The following LYSMD4 variants were observed in gnomAD, a reference collection of about 807,000 sequenced individuals.
The protein encoded by LYSMD4 is lysM and putative peptidoglycan-binding domain-containing protein 4.
In LYSMD4, 9 loss-of-function variants were observed where a neutral mutation model predicts 6.1. The ratio of observed to expected loss-of-function variants is 1.47; its 90% CI spans 0.88 to 2.56. The LOEUF (loss-of-function observed/expected upper bound fraction) is 2.56, where lower values mean the gene tolerates loss of function less well. Ranked by LOEUF, LYSMD4 falls within the 30% of genes most tolerant of loss-of-function variation. The pLI is 0.00. For synonymous variants in LYSMD4, 143 were observed against 148.5 expected (o/e 0.96, Z 0.27); for missense variants, 384 against 373.5 (o/e 1.03, Z -0.23).
intron 1 of LYSMD4, among the ~76,000 whole-genome samples, chr15:99,732,665 C>T (rs933838185): frequency 1.3e-5 from 2 of 152,220 alleles, no homozygotes; most frequent in Admixed American, 6.5e-5. Flanking sequence ...CAGCCAAAGC[C>T]GCAAGACCCC....
chr15:99,722,035 G>A (rs913737429), upstream of LYSMD4, among the ~76,000 whole-genome samples: 62 of 152,132 alleles, frequency 4.1e-4, 1 homozygote, highest in Admixed American at 2.0e-4. Flanking sequence ...ATTCCCCCAA[G>A]TCTTTGGCTG....
chr15:99,719,529 C>T (rs554861542), upstream of LYSMD4, among the ~76,000 whole-genome samples: 7 of 152,302 alleles, frequency 4.6e-5, no homozygotes, highest in East Asian at 1.2e-3. Context: ...CACAAATAGG[C>T]AGCTTTGCTT....
chr15:99,719,445 T>C (rs2059221786), upstream of LYSMD4, among the ~76,000 whole-genome samples: 1 of 152,202 alleles, frequency 6.6e-6, no homozygotes, highest in Non-Finnish European at 1.5e-5. Flanking sequence ...AGCCTCTTCC[T>C]ATCCCCGCCT....
At chr15:99,719,117 T>A (rs1200336200), upstream of LYSMD4, among the ~76,000 whole-genome samples, 1 of 152,246 alleles carries the variant, frequency 6.6e-6, no homozygotes, top group African/African-American at 2.4e-5. Flanking sequence ...CCCATACCCG[T>A]GTAGGGAACA....
At chr15:99,726,910 G>A (rs1280504311), downstream of LYSMD4, among the ~76,000 whole-genome samples, 1 of 152,116 alleles carries the variant, frequency 6.6e-6, no homozygotes, top group Non-Finnish European at 1.5e-5. Context: ...CATCCCTAGA[G>A]CACTGGTCAC....
At chr15:99,725,729 C>G (rs983486377), downstream of LYSMD4, among the ~76,000 whole-genome samples, 2 of 152,158 alleles carry the variant, frequency 1.3e-5, no homozygotes, top group Non-Finnish European at 2.9e-5. Context: ...TCTCTGCTGT[C>G]CCCTCCTGAA....
downstream of LYSMD4, among the ~76,000 whole-genome samples, chr15:99,725,978 T>G (rs1169141155): frequency 1.3e-5 from 2 of 151,922 alleles, no homozygotes; most frequent in Non-Finnish European, 2.9e-5. Flanking sequence ...GAGGGTAAAG[T>G]GGGTGAGCAT....
rs1216043609 is a variant in LYSMD4, at chr15:99,729,183, T to G, written c.831A>C (p.Ala277=). 6.2e-7 allele frequency: 1 copy of G among 1,614,226 alleles called. No individual in the cohort carries two copies. The highest frequency in any genetic ancestry group is 8.5e-7 in the Non-Finnish European group (1 of 1,180,038). ...VPGQAPRLAV[A]VPAVTSADSQ... is the part of the protein sequence containing the mutation. ...TGTCTGCAGAAGTGACGGCTGGCAC[T>G]GCAACTGCTAGTCTGGGGGCTTGCC... The change falls in exon 3 of 3, where the codon GCA becomes GCC. Residue 277 remains alanine, a synonymous_variant. Coordinates refer to ENST00000684762, the MANE Select transcript of LYSMD4 (RefSeq NM_001284417.2).
At chr15:99,719,476 C>T (rs997157844), upstream of LYSMD4, among the ~76,000 whole-genome samples, 1 of 152,210 alleles carries the variant, frequency 6.6e-6, no homozygotes, top group Non-Finnish European at 1.5e-5. Flanking sequence ...CCCCTAGAGA[C>T]AACTAGTCTC....
In LYSMD4 at chr15:99,729,627, G is replaced by A. The variant is rs143013704; in HGVS notation, c.387C>T (p.Thr129=). 40 of 1,614,044 alleles carry A rather than the reference G, an allele frequency of 2.5e-5. No homozygotes were observed. The African/African-American group carries it at 2.9e-4, about 12-fold the overall frequency. The part of the protein sequence containing the change: ...PVRNHGILME[T]HKELKPLLSP... Reference sequence around the variant, plus strand: ...TCAGAAGGGGTTTCAGTTCTTTGTGGGTCTCCATCAGGATCCCATGGTTTC... The same window carrying A: ...TCAGAAGGGGTTTCAGTTCTTTGTGAGTCTCCATCAGGATCCCATGGTTTC... Residue 129 remains threonine (T), a synonymous_variant, in exon 3 of 3, where the codon ACC becomes ACT. Transcript: ENST00000684762.
intron 2 of LYSMD4, chr15:99,731,079 A>G (rs1290080670): frequency 3.4e-6 from 4 of 1,175,186 alleles, no homozygotes; most frequent in East Asian, 2.3e-5. Context: ...ACCCCTAGAG[A>G]AGGCCATACA....
downstream of LYSMD4, among the ~76,000 whole-genome samples, chr15:99,726,363 C>T (rs987556107): frequency 9.9e-5 from 15 of 152,004 alleles, no homozygotes; most frequent in East Asian, 9.7e-4. Flanking sequence ...AGGCTGGTCT[C>T]GAACTCCTAA....
downstream of LYSMD4, among the ~76,000 whole-genome samples, chr15:99,726,168 TCC>T (rs1555507908): frequency 6.8e-6 from 1 of 146,140 alleles, no homozygotes; most frequent in Non-Finnish European, 1.5e-5. Context: ...TTTTTTTTTT[TCC>T]CGCCTGAGTC....
chr15:99,722,985 C>A (rs2059248498), downstream of LYSMD4, among the ~76,000 whole-genome samples: 3 of 151,900 alleles, frequency 2.0e-5, no homozygotes, highest in Admixed American at 6.5e-5. Flanking sequence ...GAGCCAAGAT[C>A]ACGCCAGTAC....
upstream of LYSMD4, among the ~76,000 whole-genome samples, chr15:99,718,729 G>A (rs112208941): frequency 4.0e-3 from 612 of 152,266 alleles, 4 homozygotes; most frequent in African/African-American, 0.014. Flanking sequence ...GGCACCACAG[G>A]TGCTCCACAC....
chr15:99,733,347 C>G lies in LYSMD4; in HGVS notation c.-11G>C. 2 of 394,078 alleles carry G rather than the reference C, an allele frequency of 5.1e-6. No homozygotes were observed. The highest frequency in any genetic ancestry group is 9.0e-6 in the Non-Finnish European group (2 of 223,018). The allele number at this position is 394,078 out of a possible 1,614,324, so 24.4% of individuals were successfully genotyped here. A position where few individuals can be genotyped will look rare whatever the true frequency, so the allele number is the denominator to read the frequency against. On this transcript the variant is annotated splice_region_variant and 5_prime_UTR_variant, in exon 1 of 3. Transcript: ENST00000684762. ...CCCCCTCGTCCAGGCCCCGGTACCT[C>G]AGCGCCCAGGCTCCGCCGCGACCGG...
upstream of LYSMD4, among the ~76,000 whole-genome samples, chr15:99,721,871 G>A (rs1165406688): frequency 6.6e-6 from 1 of 152,230 alleles, no homozygotes; most frequent in African/African-American, 2.4e-5. Context: ...TGAAACTGAT[G>A]AGTGCCCCAG....
At chr15:99,726,150 T>TTG (rs1363571998), downstream of LYSMD4, among the ~76,000 whole-genome samples, 2 of 130,494 alleles carry the variant, frequency 1.5e-5, no homozygotes, top group East Asian at 2.2e-4. Context: ...CAAGTGGTTT[T>TTG]TTTTTTTTTT....
intron 1 of LYSMD4, chr15:99,733,059 C>G (rs1047063393): frequency 2.4e-5 from 8 of 329,544 alleles, no homozygotes; most frequent in African/African-American, 4.3e-5. Flanking sequence ...TCAACAAGAG[C>G]TGACAGGAAA....
Sources: gnomAD v4.1 joint callset for allele counts (sites outside exome capture counted in the v4.1 genomes callset) on GRCh38, gnomAD v4.1.1 for gene constraint, MANE v1.5 for transcripts, NCBI Gene and HGNC (gene_info 2026-07-23, HGNC 2026-07-21) for gene names.